Variants in CHRDL2 observed in about 807,000 individuals in gnomAD.
The protein encoded by CHRDL2 is chordin-like protein 2.
In CHRDL2, 41 loss-of-function variants were observed where a neutral mutation model predicts 54.3. The ratio of observed to expected loss-of-function variants is 0.76; its 90% confidence interval spans 0.59 to 0.98. CHRDL2 has a LOEUF of 0.98. CHRDL2 is among the 50% of genes least tolerant of loss of function. The pLI is 0.00. For synonymous variants in CHRDL2, 220 were observed against 224.3 expected, an observed-to-expected ratio of 0.98 and a Z score of 0.17; for missense variants, 518 against 562.4, an observed-to-expected ratio of 0.92 and a Z score of 0.80.
intron 5 of CHRDL2, 43 bp downstream of exon 5, chr11:74,708,259 T>G: frequency 3.7e-6 from 5 of 1,351,438 alleles, no homozygotes; most frequent in East Asian, 2.8e-5. Flanking sequence ...GCCCATGGAG[T>G]GGAGGGGTGG....
chr11:74,730,717 G>A, intron 1 of CHRDL2, 90 bp downstream of exon 1: 1 of 1,257,180 alleles, frequency 8.0e-7, no homozygotes, highest in Non-Finnish European at 1.1e-6. Context: ...ACGGCTGTCA[G>A]AAGAGCTTGG....
chr11:74,713,284 T>A, intron 3 of CHRDL2, 102 bp downstream of exon 3: 1 of 977,512 alleles, frequency 1.0e-6, no homozygotes, highest in Non-Finnish European at 1.6e-6. Flanking sequence ...CTCTGATGGG[T>A]AGAGACTGCC....
At chr11:74,705,601 C>T (rs2033984569) in intron 6 of CHRDL2, among the ~76,000 whole-genome samples, 1 of 152,254 alleles carries the variant, frequency 6.6e-6, no homozygotes, top group Non-Finnish European at 1.5e-5. Context: ...CTAATGCTTG[C>T]TCCAGTCACC....
intron 2 of CHRDL2, among the ~76,000 whole-genome samples, chr11:74,714,006 A>G (rs1306849303): frequency 6.6e-6 from 1 of 152,162 alleles, no homozygotes; most frequent in Non-Finnish European, 1.5e-5. Context: ...TTGGCACCAG[A>G]GAAGGAGGGG....
intron 9 of CHRDL2, chr11:74,701,666 A>G: frequency 1.4e-6 from 1 of 711,104 alleles, no homozygotes; most frequent in Non-Finnish European, 2.6e-6. Context: ...GGGGATAATA[A>G]TATCTAACTC....
In CHRDL2 at chr11:74,696,684, A is replaced by T; in HGVS notation, c.1214-99T>A. 6 of 864,706 alleles carry T rather than the reference A, an allele frequency of 6.9e-6. No homozygotes were observed. The South Asian group carries it at 8.4e-5, about 12-fold the overall frequency. 53.6% of individuals were successfully genotyped at this position (864,706 alleles called of 1,614,324 possible). On this transcript the variant is annotated intron_variant, in intron 10 of 10. Transcript: ENST00000376332. Reference sequence around the variant, plus strand: ...TTGGAAAAGCCTTGGGCCAGGAGGAACTGCAAGGGCCAGGGTTTGGAGCCC... The same window carrying T: ...TTGGAAAAGCCTTGGGCCAGGAGGATCTGCAAGGGCCAGGGTTTGGAGCCC...
intron 9 of CHRDL2, chr11:74,701,490 T>C (rs555849469): frequency 4.3e-5 from 28 of 647,708 alleles, no homozygotes; most frequent in Non-Finnish European, 7.8e-5. Context: ...ACAGCTCCAC[T>C]TTCTTCGTCC....
intron 9 of CHRDL2, chr11:74,699,446 G>A (rs181250852): frequency 6.6e-6 from 1 of 152,314 alleles, no homozygotes; most frequent in Non-Finnish European, 1.5e-5. Context: ...ACACAGGATA[G>A]GCTCAGCTCA....
At chr11:74,713,164 C>T (rs915733943) in intron 3 of CHRDL2, among the ~76,000 whole-genome samples, 1 of 152,224 alleles carries the variant, frequency 6.6e-6, no homozygotes, top group Non-Finnish European at 1.5e-5. Flanking sequence ...TCTGCATGTC[C>T]TCCCTCCCCT....
chr11:74,711,315 T>C (rs2034186583), intron 3 of CHRDL2, among the ~76,000 whole-genome samples: 1 of 152,204 alleles, frequency 6.6e-6, no homozygotes. Context: ...AGTTAGTTCA[T>C]CCAGCATTTA....
At chr11:74,715,564 T>C (rs981870663) in intron 2 of CHRDL2, among the ~76,000 whole-genome samples, 9 of 144,784 alleles carry the variant, frequency 6.2e-5, no homozygotes, top group African/African-American at 2.3e-4. Flanking sequence ...GATTACGACA[T>C]GGCACTCCAG....
chr11:74,706,665 G>T, intron 5 of CHRDL2, 123 bp from the exon 6 acceptor site: 1 of 825,972 alleles, frequency 1.2e-6, no homozygotes. Context: ...TGCAGCCCCA[G>T]CCCACTAGCC....
intron 5 of CHRDL2, 112 bp downstream of exon 5, chr11:74,708,190 G>A (rs574063095): frequency 6.3e-5 from 43 of 683,932 alleles, no homozygotes; most frequent in East Asian, 2.0e-4. Context: ...GGAAAGAGCC[G>A]TCTGCTACAT....
intron 1 of CHRDL2, among the ~76,000 whole-genome samples, chr11:74,727,013 G>A (rs979442558): frequency 1.3e-5 from 2 of 152,162 alleles, no homozygotes; most frequent in African/African-American, 4.8e-5. Flanking sequence ...CCCTGGCAGG[G>A]CAGGAGTACC....
intron 2 of CHRDL2, among the ~76,000 whole-genome samples, chr11:74,715,547 G>T (rs2034325148): frequency 6.6e-6 from 1 of 151,322 alleles, no homozygotes; most frequent in Admixed American, 6.6e-5. Context: ...AGGTTACAGT[G>T]AGCCGAGATT....
rs2034176192 is a variant in CHRDL2, at chr11:74,710,985, T to C, written c.296A>G (p.His99Arg). The C allele has an allele frequency of 6.2e-7, 1 of 1,613,126 alleles. No homozygotes were observed. Among genetic ancestry groups the C allele is most frequent in the Admixed American group, 1.7e-5 (1 of 59,904 alleles). Residue 99 changes from histidine (H) to arginine (R), a missense_variant, in exon 4 of 11, where the codon CAC (histidine) becomes CGC (arginine). By Grantham distance (29) the His-to-Arg change is conservative. Coordinates refer to ENST00000376332, the MANE Select transcript of CHRDL2 (RefSeq NM_001278473.3). ...TGGGGCCCGGAGTCCAGAGGGAGTGTGAGGTTCTGCAGTGGGGGAGGGGCA... is the reference window on the plus strand; with the variant it reads ...TGGGGCCCGGAGTCCAGAGGGAGTGCGAGGTTCTGCAGTGGGGGAGGGGCA... The part of the protein sequence containing the change: ...QQCCPKCVEP[H>R]TPSGLRAPPK...
intron 2 of CHRDL2, among the ~76,000 whole-genome samples, chr11:74,716,526 C>T (rs1261742761): frequency 9.0e-6 from 1 of 111,238 alleles, no homozygotes; most frequent in Non-Finnish European, 1.7e-5. Flanking sequence ...CTGGTGACAG[C>T]ATGACTCCAT....
chr11:74,725,054 C>T (rs112051911), intron 1 of CHRDL2, among the ~76,000 whole-genome samples: 176 of 151,452 alleles, frequency 1.2e-3, no homozygotes, highest in African/African-American at 4.1e-3. Context: ...GGTGCAGTGG[C>T]GCAATCTCTG....
intron 2 of CHRDL2, among the ~76,000 whole-genome samples, chr11:74,715,342 G>A (rs920619637): frequency 2.0e-5 from 3 of 152,166 alleles, no homozygotes; most frequent in African/African-American, 4.8e-5. Flanking sequence ...AGTGGCTCAC[G>A]CCTGTAATCC....
Sources: allele counts gnomAD v4.1 joint callset (sites outside exome capture counted in the v4.1 genomes callset), GRCh38; gene constraint gnomAD v4.1.1; transcripts MANE v1.5; gene names NCBI Gene and HGNC (gene_info 2026-07-23, HGNC 2026-07-21).